GPR39: variants seen among roughly 807,000 people sequenced by gnomAD.
GPR39 encodes the protein G protein-coupled receptor 39.
A neutral mutation model predicts 18.4 loss-of-function variants in GPR39; 23 were observed. The ratio of observed to expected loss-of-function variants is 1.25; its 90% CI spans 0.90 to 1.77. The LOEUF is 1.77. Among genes scored for constraint, GPR39 ranks in the 40% most tolerant of loss-of-function variants. The pLI is 0.00. For missense variants in GPR39, 647 were observed against 602.4 expected (o/e 1.07, Z -0.78); for synonymous variants, 280 against 257.9 (o/e 1.09, Z -0.82).
chr2:132,626,051 G>A (rs1189921787), intron 1 of GPR39, among the ~76,000 whole-genome samples: 1 of 150,724 alleles, frequency 6.6e-6, no homozygotes, highest in Non-Finnish European at 1.5e-5. Flanking sequence ...AGTGAGCCGA[G>A]ACCGCACCAC....
rs191017229 is a variant in GPR39, at chr2:132,425,082, C to G, written c.856+7184C>G. On this transcript the variant is annotated intron_variant, in intron 1 of 1. Transcript: ENST00000329321. Reference sequence around the variant, plus strand: ...TCTATTGCTCAATGGTCTATTCGTTCTTCAACGACAATCTCCAGCTACGAC... The same window carrying G: ...TCTATTGCTCAATGGTCTATTCGTTGTTCAACGACAATCTCCAGCTACGAC... Among the ~76,000 whole-genome samples, 6 of 152,298 alleles carry G rather than the reference C, an allele frequency of 3.9e-5. No individual in the cohort carries two copies. In the East Asian group the frequency reaches 9.7e-4, roughly 25 times the overall value.
At chr2:132,435,468 T>C (rs542574229) in intron 1 of GPR39, among the ~76,000 whole-genome samples, 5 of 152,348 alleles carry the variant, frequency 3.3e-5, no homozygotes, top group Middle Eastern at 3.4e-3. Flanking sequence ...ATACACAAAA[T>C]ATGTGTTAAT....
intron 1 of GPR39, among the ~76,000 whole-genome samples, chr2:132,438,573 C>CTTTTTTTTTT (rs35614907): frequency 6.1e-5 from 6 of 97,762 alleles, no homozygotes; most frequent in Non-Finnish European, 7.9e-5. Context: ...TGTCAGCAAG[C>CTTTTTTTTTT]TTTTTTTTTT....
At chr2:132,552,541 C>T (rs1214437812) in intron 1 of GPR39, among the ~76,000 whole-genome samples, 1 of 152,030 alleles carries the variant, frequency 6.6e-6, no homozygotes, top group East Asian at 1.9e-4. Flanking sequence ...TTATAAACTA[C>T]CCAGTCTCAG....
At chr2:132,498,681 A>C (rs1681695164) in intron 1 of GPR39, among the ~76,000 whole-genome samples, 4 of 152,202 alleles carry the variant, frequency 2.6e-5, no homozygotes, top group Admixed American at 2.0e-4. Flanking sequence ...GCTAGTTTAC[A>C]TTCCCACGAG....
intron 1 of GPR39, among the ~76,000 whole-genome samples, chr2:132,485,580 A>G (rs1249288195): frequency 6.6e-6 from 1 of 152,230 alleles, no homozygotes; most frequent in East Asian, 1.9e-4. Flanking sequence ...TGTCATTTCA[A>G]CAATGCTTAT....
rs1680021772 is a variant in GPR39, at chr2:132,550,367, G to GGAACAGCGCGATACAAC, written c.857-94732_857-94716dup. On this transcript the variant is annotated intron_variant, in intron 1 of 1. Coordinates refer to ENST00000329321, the MANE Select transcript of GPR39 (RefSeq NM_001508.3). ...GGCAAGCCCGAGTCTTTGGATACAA[G>GGAACAGCGCGATACAAC]GAACAGCGCGATACAACGGAGGTAC... is the stretch of plus-strand genomic sequence containing the variant. Among the ~76,000 whole-genome samples the GGAACAGCGCGATACAAC allele has an allele frequency of 2.6e-5, 4 of 152,344 alleles. No individual in the cohort carries two copies. The South Asian group carries it at 8.3e-4, about 32-fold the overall frequency.
At chr2:132,437,453 G>T (rs767936654) in intron 1 of GPR39, among the ~76,000 whole-genome samples, 1 of 152,122 alleles carries the variant, frequency 6.6e-6, no homozygotes, top group Non-Finnish European at 1.5e-5. Context: ...GGGGAGGGTC[G>T]TGGAGACCAG....
intron 1 of GPR39, among the ~76,000 whole-genome samples, chr2:132,552,701 A>G (rs909622154): frequency 1.3e-5 from 2 of 151,798 alleles, no homozygotes; most frequent in African/African-American, 2.4e-5. Context: ...AAATATTGGC[A>G]AGCCTTTAAG....
chr2:132,561,465 G>A (rs183567279), intron 1 of GPR39, among the ~76,000 whole-genome samples: 83 of 152,154 alleles, frequency 5.5e-4, no homozygotes, highest in Non-Finnish European at 9.1e-4. Context: ...TGCCTTTGTC[G>A]TCACCTGACC....
At chr2:132,422,863 T>C (rs1029144861) in intron 1 of GPR39, among the ~76,000 whole-genome samples, 1 of 151,950 alleles carries the variant, frequency 6.6e-6, no homozygotes, top group Non-Finnish European at 1.5e-5. Flanking sequence ...GAGATTGAAA[T>C]CCCAGTCCCC....
chr2:132,446,215 G>A (rs879774411), intron 1 of GPR39, among the ~76,000 whole-genome samples: 1 of 152,208 alleles, frequency 6.6e-6, no homozygotes, highest in African/African-American at 2.4e-5. Context: ...CATGGCAATA[G>A]CGTACTGCAC....
chr2:132,591,256 TCAAAAAAAAAAAAAAAAAAAA>T (rs1363533262), intron 1 of GPR39, among the ~76,000 whole-genome samples: 26 of 62,156 alleles, frequency 4.2e-4, no homozygotes, highest in African/African-American at 1.9e-3. Context: ...AGACTCCGTC[TCAAAAAAAAAAAAAAAAAAAA>T]CAAAAAAAAA....
chr2:132,480,524 G>T (rs1326202981), intron 1 of GPR39, among the ~76,000 whole-genome samples: 1 of 152,136 alleles, frequency 6.6e-6, no homozygotes, highest in African/African-American at 2.4e-5. Context: ...AGAGGCTGTT[G>T]CCCTAGGCTT....
chr2:132,475,999 A>T (rs956967967), intron 1 of GPR39, among the ~76,000 whole-genome samples: 2 of 151,824 alleles, frequency 1.3e-5, no homozygotes, highest in Non-Finnish European at 2.9e-5. Flanking sequence ...ACTAATTGTG[A>T]TGTCACCACA....
intron 1 of GPR39, among the ~76,000 whole-genome samples, chr2:132,614,434 G>A (rs940519161): frequency 2.0e-5 from 3 of 151,656 alleles, no homozygotes; most frequent in Admixed American, 6.6e-5. Flanking sequence ...TCTTGACCTC[G>A]TGATCTTGAT....
At chr2:132,563,307 A>C (rs1253941842) in intron 1 of GPR39, among the ~76,000 whole-genome samples, 4 of 152,180 alleles carry the variant, frequency 2.6e-5, no homozygotes, top group Non-Finnish European at 4.4e-5. Context: ...GCTTCCCTTG[A>C]GAATGTAAAA....
chr2:132,551,117 T>C (rs1235545446), intron 1 of GPR39, among the ~76,000 whole-genome samples: 1 of 152,124 alleles, frequency 6.6e-6, no homozygotes, highest in African/African-American at 2.4e-5. Flanking sequence ...AGTAGGAGAG[T>C]TTGGCTTTGG....
intron 1 of GPR39, among the ~76,000 whole-genome samples, chr2:132,639,930 A>G (rs1681829320): frequency 6.7e-6 from 1 of 148,850 alleles, no homozygotes; most frequent in Admixed American, 6.7e-5. Flanking sequence ...TACAGTTAAA[A>G]AAAAATAATG....
Sources: allele counts gnomAD v4.1 joint callset (sites outside exome capture counted in the v4.1 genomes callset), GRCh38; gene constraint gnomAD v4.1.1; transcripts MANE v1.5; gene names NCBI Gene and HGNC (gene_info 2026-07-23, HGNC 2026-07-21).